TTC39A: variants seen among roughly 807,000 people sequenced by gnomAD.
TTC39A encodes tetratricopeptide repeat domain 39A, also known as tetratricopeptide repeat protein 39A.
Under a neutral mutation model 82.3 loss-of-function variants are expected in TTC39A, and 46 were observed. The ratio of observed to expected loss-of-function variants is 0.56; its 90% CI spans 0.44 to 0.71. The LOEUF (loss-of-function observed/expected upper bound fraction) is 0.71. Ranked by LOEUF, TTC39A falls within the 30% of genes least tolerant of loss-of-function variation. The pLI is 0.00. For missense variants in TTC39A, 543 were observed against 712.9 expected (o/e 0.76, Z 2.71); for synonymous variants, 254 against 275.2 (o/e 0.92, Z 0.76).
Position 51,321,588 on chromosome 1 carries a change from G to C in TTC39A, c.146+133C>G. On this transcript the variant is annotated intron_variant, in intron 2 of 17. Transcript: ENST00000680483. This position sits in a 1 kb window ranked among gnomAD's most constrained non-coding sequence, Gnocchi z 4.6. Reference sequence around the variant, plus strand: ...GGAATGGAGCTTGAGCCATTTTTATGGGACTTCTCAGAGGTCCTGGTGACC... The same window carrying C: ...GGAATGGAGCTTGAGCCATTTTTATCGGACTTCTCAGAGGTCCTGGTGACC... The C allele has an allele frequency of 1.3e-6, 1 of 754,066 alleles. No individual in the cohort carries two copies. Among genetic ancestry groups the C allele is most frequent in the Non-Finnish European group, 2.2e-6 (1 of 454,872 alleles). 46.7% of individuals were successfully genotyped at this position (754,066 alleles called of 1,614,324 possible).
At chr1:51,325,270 A>C (rs58481202) in intron 1 of TTC39A, among the ~76,000 whole-genome samples, 4,211 of 151,534 alleles carry the variant, frequency 0.028, 196 homozygotes, top group African/African-American at 0.097. Context: ...AAAAAAAAAA[A>C]CCACAAATGT....
At position 51,288,719 on chromosome 1, in the gene TTC39A, C is replaced by A. The variant is rs900048421; in HGVS notation, c.1610+120G>T. On this transcript the variant is annotated intron_variant, in intron 17 of 17. Transcript: ENST00000680483. This position sits in a 1 kb window ranked among gnomAD's most constrained non-coding sequence, Gnocchi z 4.8. ...GAGGGACACAGGTCCACCCTCTAGA[C>A]TGCCAGACTGGCCTTGCTAGCAACT... 2.3e-6 allele frequency: 2 copies of A among 880,256 alleles called. No homozygotes were observed. Among genetic ancestry groups the A allele is most frequent in the Non-Finnish European group, 3.6e-6 (2 of 558,110 alleles). 54.5% of individuals were successfully genotyped at this position (880,256 alleles called of 1,614,324 possible).
chr1:51,304,724 G>A (rs764573817), intron 8 of TTC39A, among the ~76,000 whole-genome samples: 3 of 152,214 alleles, frequency 2.0e-5, no homozygotes, highest in African/African-American at 7.2e-5. Flanking sequence ...GTCCTTGGGG[G>A]AAGGACTTAC....
chr1:51,335,598 C>T (rs1354276351), upstream of TTC39A, among the ~76,000 whole-genome samples: 8 of 149,084 alleles, frequency 5.4e-5, no homozygotes, highest in Admixed American at 6.7e-5. Flanking sequence ...TTAATAAATA[C>T]CTATTAAGTG....
intron 6 of TTC39A, 48 bp downstream of exon 6, chr1:51,309,213 T>C: frequency 6.4e-7 from 1 of 1,561,904 alleles, no homozygotes; most frequent in Non-Finnish European, 8.7e-7. Flanking sequence ...GCCTAGCAGA[T>C]GCTGTGGCCC....
rs1645593448 is a variant in TTC39A at position 51,323,174 on chromosome 1, C to T, written c.42-1349G>A. 3.3e-5 allele frequency among the ~76,000 whole-genome samples: 5 copies of T among 152,210 alleles called. No homozygotes were observed. The South Asian group carries it at 1.0e-3, about 32-fold the overall frequency. ...ATAAGCAACACTCCTCTACCCAATTCCCCAAGCCAAAAATCTGATAATCAT... is the reference window on the plus strand; with the variant it reads ...ATAAGCAACACTCCTCTACCCAATTTCCCAAGCCAAAAATCTGATAATCAT... On this transcript the variant is annotated intron_variant, in intron 1 of 17. Coordinates refer to ENST00000680483, the MANE Select transcript of TTC39A (RefSeq NM_001297663.2).
At chr1:51,330,916 C>A, upstream of TTC39A, 1 of 609,992 alleles carries the variant, frequency 1.6e-6, no homozygotes, top group Non-Finnish European at 2.9e-6. This position sits in a 1 kb window ranked among gnomAD's most constrained non-coding sequence, Gnocchi z 4.5. Context: ...ACCATCCTCC[C>A]GCATTAATGG....
At chr1:51,295,990 C>G in intron 13 of TTC39A, 89 bp downstream of exon 13, 1 of 1,442,940 alleles carries the variant, frequency 6.9e-7, no homozygotes. Flanking sequence ...TCCCCAGTGC[C>G]CACAGCTCAG....
At chr1:51,295,715 G>T in intron 13 of TTC39A, 1 of 300,768 alleles carries the variant, frequency 3.3e-6, no homozygotes. Flanking sequence ...GCTCTCTACT[G>T]TGCTTCTCTG....
chr1:51,330,245 C>T lies in TTC39A; in HGVS notation c.41+192G>A, dbSNP rs1419788281. The stretch of plus-strand genomic sequence containing the variant: ...GACCGACCCGGGGTCCCCGCGCCTC[C>T]GCCTCCTCACAGCCCCCTGCCCCCA... On this transcript the variant is annotated intron_variant, in intron 1 of 17. Transcript: ENST00000680483. This position sits in a 1 kb window ranked among gnomAD's most constrained non-coding sequence, Gnocchi z 4.5. The T allele has an allele frequency of 8.2e-6, 8 of 978,700 alleles. No individual in the cohort carries two copies. Among genetic ancestry groups the T allele is most frequent in the Middle Eastern group, 5.2e-4 (1 of 1,928 alleles). The allele number at this position is 978,700 out of a possible 1,614,324, so 60.6% of individuals were successfully genotyped here.
intron 1 of TTC39A, among the ~76,000 whole-genome samples, chr1:51,322,566 T>G (rs1168447216): frequency 7.4e-6 from 1 of 135,284 alleles, no homozygotes; most frequent in African/African-American, 2.7e-5. Context: ...AATAAATATC[T>G]GTTAGGTAAA....
At chr1:51,312,079 T>G in intron 4 of TTC39A, 40 bp downstream of exon 4, 1 of 1,589,798 alleles carries the variant, frequency 6.3e-7, no homozygotes, top group Non-Finnish European at 8.6e-7. Flanking sequence ...GCTGGCCACC[T>G]GGGCTTAGCA....
chr1:51,291,202 TG>T (rs891474751), intron 14 of TTC39A, among the ~76,000 whole-genome samples: 7 of 151,606 alleles, frequency 4.6e-5, no homozygotes, highest in South Asian at 2.1e-4. Flanking sequence ...TAAAAAAATT[TG>T]GGGGGGGCCA....
upstream of TTC39A, among the ~76,000 whole-genome samples, chr1:51,332,834 TGAGA>T (rs1281593482): frequency 2.0e-5 from 3 of 152,238 alleles, no homozygotes; most frequent in Non-Finnish European, 4.4e-5. Context: ...CATGGATGGC[TGAGA>T]GAGTGACACT....
Position 51,287,652 on chromosome 1 carries a change from C to A in TTC39A, c.*505G>T, listed in dbSNP as rs1644040771. 6.3e-6 allele frequency: 1 copy of A among 158,656 alleles called. No homozygotes were observed. The highest frequency in any genetic ancestry group is 2.4e-5 in the African/African-American group (1 of 41,666). 9.8% of individuals were successfully genotyped at this position (158,656 alleles called of 1,614,324 possible). A position where few individuals can be genotyped will look rare whatever the true frequency, so the allele number is the denominator to read the frequency against. ...ACCCCAGAAGCATTGAAGCCTGAGG[C>A]TTAGCCTCTCCCAGGCATTCCTCAG... On this transcript the variant is annotated 3_prime_UTR_variant, in exon 18 of 18. Coordinates refer to ENST00000680483, the MANE Select transcript of TTC39A (RefSeq NM_001297663.2).
intron 12 of TTC39A, chr1:51,300,075 T>C (rs1644593848): frequency 6.6e-6 from 1 of 152,206 alleles, no homozygotes; most frequent in African/African-American, 2.4e-5. Context: ...AGGAGGACTC[T>C]AGGAGCAAGA....
chr1:51,328,033 T>C (rs1645777406), intron 1 of TTC39A, among the ~76,000 whole-genome samples: 1 of 152,096 alleles, frequency 6.6e-6, no homozygotes, highest in South Asian at 2.1e-4. Flanking sequence ...ACTGACTTTA[T>C]AATGAAACTA....
Position 51,312,212 on chromosome 1 carries a change from G to A in TTC39A, c.279-17C>T, listed in dbSNP as rs1206480363. On this transcript the variant is annotated splice_polypyrimidine_tract_variant and intron_variant, in intron 3 of 17. Transcript: ENST00000680483. ...CTCCGGTGCCTGAAGAGGAAAAAGA[G>A]GGGCCTCAGGTGAGGATTAGAGAGA... 6.3e-7 allele frequency: 1 copy of A among 1,593,632 alleles called. No individual in the cohort carries two copies. The highest frequency in any genetic ancestry group is 8.5e-7 in the Non-Finnish European group (1 of 1,170,024).
chr1:51,340,345 G>A (rs1393305973), intron 1 of TTC39A, among the ~76,000 whole-genome samples: 1 of 152,208 alleles, frequency 6.6e-6, no homozygotes, highest in Non-Finnish European at 1.5e-5. Context: ...CAGGCCCCGA[G>A]AGGGTCCATG....
Sources: allele counts gnomAD v4.1 joint callset (sites outside exome capture counted in the v4.1 genomes callset), GRCh38; gene constraint gnomAD v4.1.1; non-coding constraint Gnocchi (gnomAD v3.1); transcripts MANE v1.5; gene names NCBI Gene and HGNC (gene_info 2026-07-23, HGNC 2026-07-21).